RASGEF1C: variants seen among roughly 807,000 people sequenced by gnomAD.
The protein encoded by RASGEF1C is RasGEF domain family member 1C.
Under a neutral mutation model 58.1 loss-of-function variants are expected in RASGEF1C, and 27 were observed. That is an observed-to-expected ratio of 0.46 (90% CI 0.34 to 0.64). The LOEUF (loss-of-function observed/expected upper bound fraction) is 0.64, where lower values mean the gene tolerates loss of function less well. Ranked by LOEUF, RASGEF1C falls within the 30% of genes least tolerant of loss-of-function variation. RASGEF1C has a pLI of 0.01. For synonymous variants in RASGEF1C, 243 were observed against 246.3 expected (o/e 0.99, Z 0.13); for missense variants, 502 against 605.1 (o/e 0.83, Z 1.79).
intron 6 of RASGEF1C, among the ~76,000 whole-genome samples, chr5:180,123,502 T>TTAGA (rs1414095425): frequency 2.6e-5 from 4 of 152,058 alleles, no homozygotes; most frequent in African/African-American, 9.7e-5. Context: ...AAAGATGAAA[T>TTAGA]CATAATGGAA....
chr5:180,119,361 G>A lies in RASGEF1C; in HGVS notation c.892C>T (p.Leu298Phe). 2 of 1,613,936 alleles carry A rather than the reference G, an allele frequency of 1.2e-6. No individual in the cohort carries two copies. Among genetic ancestry groups the A allele is most frequent in the Non-Finnish European group, 8.5e-7 (1 of 1,179,774 alleles). The change falls in exon 8 of 14, where the codon CTC (leucine) becomes TTC (phenylalanine). Residue 298 changes from leucine (L) to phenylalanine (F), a missense_variant. Leu to Phe is a conservative substitution (Grantham distance 22). Coordinates refer to ENST00000361132, the MANE Select transcript of RASGEF1C (RefSeq NM_175062.4). Reference sequence around the variant, plus strand: ...GCCCACTCACAGATGATGGCCATGAGGGAGTTGAAGTTGCCGATGTTGAAG... The same window carrying A: ...GCCCACTCACAGATGATGGCCATGAAGGAGTTGAAGTTGCCGATGTTGAAG... ...ECFNIGNFNS[L>F]MAIISGMNMS...
chr5:180,157,622 C>A (rs1156547059), intron 1 of RASGEF1C, among the ~76,000 whole-genome samples: 1 of 118,244 alleles, frequency 8.5e-6, no homozygotes, highest in African/African-American at 3.1e-5. Flanking sequence ...AGCAAAACTC[C>A]GTCTCAAAAA....
At chr5:180,151,132 C>T (rs1766739210) in intron 1 of RASGEF1C, among the ~76,000 whole-genome samples, 1 of 152,080 alleles carries the variant, frequency 6.6e-6, no homozygotes, top group Admixed American at 6.5e-5. Flanking sequence ...GTGAAAATGG[C>T]CATACTGCCC....
chr5:180,163,243 TTTTTTTTTTCC>T (rs1351597648), intron 1 of RASGEF1C, among the ~76,000 whole-genome samples: 1 of 77,078 alleles, frequency 1.3e-5, no homozygotes, highest in Non-Finnish European at 2.5e-5. Context: ...TTTTTTTTTT[TTTTTTTTTTCC>T]AGCCTATTGC....
At chr5:180,116,623 G>C (rs1311447013) in intron 10 of RASGEF1C, among the ~76,000 whole-genome samples, 1 of 152,268 alleles carries the variant, frequency 6.6e-6, no homozygotes, top group Non-Finnish European at 1.5e-5. Context: ...AGAGCTGGAA[G>C]GGGCTCAGAA....
At chr5:180,119,322 C>T in intron 8 of RASGEF1C, 24 bp downstream of exon 8, 1 of 1,595,878 alleles carries the variant, frequency 6.3e-7, no homozygotes, top group Non-Finnish European at 8.6e-7. Context: ...CACTGGGGGC[C>T]ACAGGCCAGG....
intron 1 of RASGEF1C, among the ~76,000 whole-genome samples, chr5:180,191,377 G>A (rs1447170970): frequency 6.7e-6 from 1 of 149,924 alleles, no homozygotes; most frequent in Non-Finnish European, 1.5e-5. Flanking sequence ...TTTTTTTTGA[G>A]ACGGAGTCTA....
intron 1 of RASGEF1C, among the ~76,000 whole-genome samples, chr5:180,173,794 T>G (rs1270084515): frequency 6.6e-6 from 1 of 151,876 alleles, no homozygotes; most frequent in East Asian, 1.9e-4. Flanking sequence ...GCGCCTGTAA[T>G]CCCAGCTGCT....
intron 1 of RASGEF1C, among the ~76,000 whole-genome samples, chr5:180,180,801 G>C (rs1158644193): frequency 6.6e-6 from 1 of 152,210 alleles, no homozygotes; most frequent in African/African-American, 2.4e-5. Flanking sequence ...TGAGATCTCC[G>C]AAGTGAACCA....
intron 1 of RASGEF1C, among the ~76,000 whole-genome samples, chr5:180,181,495 G>T (rs915693435): frequency 6.6e-6 from 1 of 152,194 alleles, no homozygotes; most frequent in African/African-American, 2.4e-5. Flanking sequence ...GTGGGGTGGG[G>T]TGGACTCCTA....
At chr5:180,139,331 C>G (rs1252009728) in intron 1 of RASGEF1C, among the ~76,000 whole-genome samples, 5 of 152,220 alleles carry the variant, frequency 3.3e-5, no homozygotes, top group Non-Finnish European at 7.3e-5. Context: ...TCTATGGACT[C>G]TGAGGCTCCC....
At chr5:180,141,916 G>C (rs1485336737) in intron 1 of RASGEF1C, among the ~76,000 whole-genome samples, 1 of 152,082 alleles carries the variant, frequency 6.6e-6, no homozygotes, top group Non-Finnish European at 1.5e-5. Context: ...CACCATGTTA[G>C]CCAGGATGGT....
chr5:180,207,798 C>T (rs1164689283), intron 1 of RASGEF1C, among the ~76,000 whole-genome samples: 2 of 152,152 alleles, frequency 1.3e-5, no homozygotes, highest in African/African-American at 4.8e-5. Flanking sequence ...CCGCGCTGTT[C>T]CCCCGGGCTA....
At chr5:180,110,198 C>T (rs573115842) in intron 12 of RASGEF1C, among the ~76,000 whole-genome samples, 32 of 152,286 alleles carry the variant, frequency 2.1e-4, no homozygotes, top group African/African-American at 6.7e-4. Context: ...TCCTGCTCAT[C>T]GCACAGCTCG....
intron 1 of RASGEF1C, among the ~76,000 whole-genome samples, chr5:180,139,166 G>T (rs1420640234): frequency 6.6e-6 from 1 of 152,144 alleles, no homozygotes; most frequent in Non-Finnish European, 1.5e-5. Flanking sequence ...GGGAGCCCAT[G>T]CTTACTCTCA....
intron 1 of RASGEF1C, among the ~76,000 whole-genome samples, chr5:180,167,728 C>T (rs1767043249): frequency 6.6e-6 from 1 of 152,222 alleles, no homozygotes; most frequent in African/African-American, 2.4e-5. Flanking sequence ...TCTATCTGCT[C>T]ATTATCTTTT....
intron 1 of RASGEF1C, among the ~76,000 whole-genome samples, chr5:180,147,227 T>C (rs1447572724): frequency 2.0e-5 from 3 of 150,546 alleles, no homozygotes; most frequent in East Asian, 3.9e-4. Flanking sequence ...GGTTTGTCAA[T>C]TTTGTTAATC....
chr5:180,116,483 C>T (rs1766070162), intron 10 of RASGEF1C, among the ~76,000 whole-genome samples: 1 of 152,182 alleles, frequency 6.6e-6, no homozygotes, highest in African/African-American at 2.4e-5. Context: ...CCTCTCCATC[C>T]ATAAAGCAGC....
chr5:180,125,298 T>C (rs1766237484), intron 6 of RASGEF1C, among the ~76,000 whole-genome samples: 1 of 152,184 alleles, frequency 6.6e-6, no homozygotes, highest in African/African-American at 2.4e-5. Context: ...ATGATGAGAA[T>C]TCTGAGAAAA....
Sources: allele counts gnomAD v4.1 joint callset (sites outside exome capture counted in the v4.1 genomes callset), GRCh38; gene constraint gnomAD v4.1.1; transcripts MANE v1.5; gene names NCBI Gene and HGNC (gene_info 2026-07-23, HGNC 2026-07-21).